HYOU1: variants seen among roughly 807,000 people sequenced by gnomAD.
HYOU1 encodes the protein hypoxia up-regulated 1.
HYOU1 carries 40 observed loss-of-function variants against 120.5 expected under a neutral mutation model. The observed-to-expected ratio is 0.33, with a 90% confidence interval of 0.26 to 0.43. The LOEUF is 0.43. Among genes scored for constraint, HYOU1 ranks in the 20% least tolerant of loss-of-function variants. The pLI is 1.00. For synonymous variants in HYOU1, 501 were observed against 479.4 expected (o/e 1.05, Z -0.59); for missense variants, 1,085 against 1,278.3 (o/e 0.85, Z 2.31).
rs1944412951 is a variant in HYOU1 at position 119,051,128 on chromosome 11, C to T, written c.1572G>A (p.Val524=). 6.2e-7 allele frequency: 1 copy of T among 1,614,050 alleles called. No homozygotes were observed. Among genetic ancestry groups the T allele is most frequent in the South Asian group, 1.1e-5 (1 of 91,088 alleles). The change falls in exon 14 of 26, where the codon GTG becomes GTA. Residue 524 remains valine (V), a synonymous_variant. Transcript: ENST00000617285. The surrounding 1 kb of genome is among the most constrained non-coding windows in gnomAD (Gnocchi z 4.2). ...CAGGATACTTCTTGAAGCTGTCACC[C>T]ACCCCTTTTAGCTTCACTGTGGTCA... ...QNLTTVKLKG[V]GDSFKKYPDY...
At chr11:119,056,364 G>T (rs1944763366) in intron 1 of HYOU1, 197 bp from the exon 2 acceptor site, 2 of 665,908 alleles carry the variant, frequency 3.0e-6, no homozygotes, top group Non-Finnish European at 5.5e-6. Context: ...CCCACACAAA[G>T]GCCCAAGTGA....
chr11:119,055,453 C>T lies in HYOU1; in HGVS notation c.264+40G>A, dbSNP rs2133613370. On this transcript the variant is annotated intron_variant, in intron 4 of 25. Coordinates refer to ENST00000617285, the MANE Select transcript of HYOU1 (RefSeq NM_006389.5). This position sits in a 1 kb window ranked among gnomAD's most constrained non-coding sequence, Gnocchi z 4.0. ...GACTCTGGGGGCTGCCATCTCCTCTCCTCTGCCCACCACTCTGGGAAGAGG... is the reference window on the plus strand; with the variant it reads ...GACTCTGGGGGCTGCCATCTCCTCTTCTCTGCCCACCACTCTGGGAAGAGG... The T allele has an allele frequency of 2.5e-6, 4 of 1,608,042 alleles. No individual in the cohort carries two copies. Among genetic ancestry groups the T allele is most frequent in the Non-Finnish European group, 3.4e-6 (4 of 1,174,602 alleles).
In HYOU1 at chr11:119,046,794, C is replaced by T; in HGVS notation, c.2604G>A (p.Lys868=). ...EKVINETWAW[K]NATLAEQAKL... Reference sequence around the variant, plus strand: ...TAGCCTGCTCGGCCAGAGTTGCATTCTTCCAGGCCTGTGGGTGAGACCAGG... The same window carrying T: ...TAGCCTGCTCGGCCAGAGTTGCATTTTTCCAGGCCTGTGGGTGAGACCAGG... The change falls in exon 23 of 26, where the codon AAG becomes AAA. Residue 868 remains lysine, a synonymous_variant. Transcript: ENST00000617285. 6.3e-7 allele frequency: 1 copy of T among 1,599,762 alleles called. No homozygotes were observed. The highest frequency in any genetic ancestry group is 2.2e-5 in the East Asian group (1 of 44,880).
intron 16 of HYOU1, 153 bp from the exon 17 acceptor site, chr11:119,049,356 A>G: frequency 6.4e-7 from 1 of 1,553,312 alleles, no homozygotes; most frequent in Non-Finnish European, 8.7e-7. Flanking sequence ...ATCTAGCTGG[A>G]CAAAGGAAGA....
intron 8 of HYOU1, 187 bp downstream of exon 8, chr11:119,053,934 A>G: frequency 1.9e-6 from 1 of 516,618 alleles, no homozygotes; most frequent in Non-Finnish European, 3.4e-6. Context: ...CAGTTTTCCC[A>G]AACTGTCCTC....
rs2133585848 is a variant in HYOU1, at chr11:119,051,559, G to A, written c.1405C>T (p.Leu469Phe). 6.2e-7 allele frequency: 1 copy of A among 1,614,098 alleles called. No homozygotes were observed. Among genetic ancestry groups the A allele is most frequent in the East Asian group, 2.2e-5 (1 of 44,872 alleles). The change falls in exon 13 of 26, where the codon CTC (leucine) becomes TTC (phenylalanine). Residue 469 changes from leucine (L) to phenylalanine (F), a missense_variant. By Grantham distance (22) the Leu-to-Phe change is conservative. Around this residue, in one of 4 missense-constraint regions of HYOU1, gnomAD observed 515 missense variants for 677.8 expected, o/e 0.76. Coordinates refer to ENST00000617285, the MANE Select transcript of HYOU1 (RefSeq NM_006389.5). The surrounding 1 kb of genome is among the most constrained non-coding windows in gnomAD (Gnocchi z 4.2). The stretch of plus-strand genomic sequence containing the variant: ...GGGTAGGGCCCCATCCGAGAGAAGA[G>A]TACCCGTTTATTGTGCTTCAGGCTG... ...IHSLKHNKRV[L>F]FSRMGPYPQR...
rs2133586181 is a variant in HYOU1, at chr11:119,051,596, C to T, written c.1368G>A (p.Glu456=). The T allele has an allele frequency of 3.0e-5, 48 of 1,614,004 alleles. No individual in the cohort carries two copies. The highest frequency in any genetic ancestry group is 3.8e-5 in the Non-Finnish European group (45 of 1,180,016). Residue 456 remains glutamate (E), a synonymous_variant, in exon 13 of 26, where the codon GAG becomes GAA. Coordinates refer to ENST00000617285, the MANE Select transcript of HYOU1 (RefSeq NM_006389.5). The surrounding 1 kb of genome is among the most constrained non-coding windows in gnomAD (Gnocchi z 4.2). ...TGTGCTTCAGGCTGTGAATCCCAGG[C>T]TCCTCCTCCACCTCCCTCGTGAACT... ...LVEFTREVEE[E]PGIHSLKHNK...
chr11:119,051,833 C>T lies in HYOU1; in HGVS notation c.1324G>A (p.Val442Ile). 2 of 1,613,944 alleles carry T rather than the reference C, an allele frequency of 1.2e-6. No homozygotes were observed. Among genetic ancestry groups the T allele is most frequent in the Non-Finnish European group, 1.7e-6 (2 of 1,179,906 alleles). The change falls in exon 12 of 26, where the codon GTC becomes ATC. Residue 442 changes from valine to isoleucine, a missense_variant. By Grantham distance (29) the Val-to-Ile change is conservative. Transcript: ENST00000617285. This position sits in a 1 kb window ranked among gnomAD's most constrained non-coding sequence, Gnocchi z 4.2. ...GGCTCACTCACCAGGATGGGGTAGACCACTGCATCTCGGACGACAAATGGC... is the reference window on the plus strand; with the variant it reads ...GGCTCACTCACCAGGATGGGGTAGATCACTGCATCTCGGACGACAAATGGC... The part of the protein sequence containing the change: ...VKPFVVRDAV[V>I]YPILVEFTRE...
chr11:119,045,553 G>A lies in HYOU1; in HGVS notation c.*40C>T. The stretch of plus-strand genomic sequence containing the variant: ...ATGTTAAATAAATAGAAGTGGTGGG[G>A]GAAGGGGGTGGAGATGAATGGGGAA... On this transcript the variant is annotated 3_prime_UTR_variant, in exon 26 of 26. Coordinates refer to ENST00000617285, the MANE Select transcript of HYOU1 (RefSeq NM_006389.5). The A allele has an allele frequency of 6.6e-7, 1 of 1,523,666 alleles. No homozygotes were observed. The allele number at this position is 1,523,666 out of a possible 1,614,324, so 94.4% of individuals were successfully genotyped here. A position where few individuals can be genotyped will look rare whatever the true frequency, so the allele number is the denominator to read the frequency against.
Position 119,052,603 on chromosome 11 carries a change from C to A in HYOU1, c.987+34G>T, listed in dbSNP as rs2133594079. On this transcript the variant is annotated intron_variant, in intron 9 of 25. Coordinates refer to ENST00000617285, the MANE Select transcript of HYOU1 (RefSeq NM_006389.5). This position sits in a 1 kb window ranked among gnomAD's most constrained non-coding sequence, Gnocchi z 5.0. Reference sequence around the variant, plus strand: ...AGGGTCCCCCACCCTCTACGTGGGACAAAATATAGCCTCAACCAGCCACTT... The same window carrying A: ...AGGGTCCCCCACCCTCTACGTGGGAAAAAATATAGCCTCAACCAGCCACTT... 6.3e-7 allele frequency: 1 copy of A among 1,592,790 alleles called. No individual in the cohort carries two copies. Among genetic ancestry groups the A allele is most frequent in the Non-Finnish European group, 8.6e-7 (1 of 1,167,808 alleles).
chr11:119,051,583 T>C lies in HYOU1; in HGVS notation c.1381A>G (p.Ser461Gly), dbSNP rs2133586150. Residue 461 changes from serine to glycine, a missense_variant, in exon 13 of 26, where the codon AGC becomes GGC. Around this residue, in one of 4 missense-constraint regions of HYOU1, gnomAD observed 515 missense variants for 677.8 expected, o/e 0.76. Coordinates refer to ENST00000617285, the MANE Select transcript of HYOU1 (RefSeq NM_006389.5). This position sits in a 1 kb window ranked among gnomAD's most constrained non-coding sequence, Gnocchi z 4.2. Reference protein sequence around the residue: ...REVEEEPGIHSLKHNKRVLFS... With the variant: ...REVEEEPGIHGLKHNKRVLFS... ...AGTACCCGTTTATTGTGCTTCAGGC[T>C]GTGAATCCCAGGCTCCTCCTCCACC... The C allele has an allele frequency of 6.2e-7, 1 of 1,614,082 alleles. No individual in the cohort carries two copies.
chr11:119,054,740 T>A (rs1944651262), intron 6 of HYOU1, 65 bp from the exon 7 acceptor site: 8 of 1,496,582 alleles, frequency 5.3e-6, no homozygotes, highest in African/African-American at 1.4e-5. Context: ...TCTAATCTGG[T>A]CACTAATGAC....
At position 119,051,710 on chromosome 11, in the gene HYOU1, G is replaced by A. The variant is rs2133587463; in HGVS notation, c.1339-85C>T. On this transcript the variant is annotated intron_variant, in intron 12 of 25. Coordinates refer to ENST00000617285, the MANE Select transcript of HYOU1 (RefSeq NM_006389.5). The surrounding 1 kb of genome is among the most constrained non-coding windows in gnomAD (Gnocchi z 4.2). ...GGGTAAGGATGGGGGTGGGATGGGG[G>A]AGACCTCTTAGCAGAAAGACAAAGG... 2.3e-5 allele frequency: 36 copies of A among 1,593,912 alleles called. No homozygotes were observed. The highest frequency in any genetic ancestry group is 2.9e-5 in the Non-Finnish European group (34 of 1,164,912).
At position 119,051,287 on chromosome 11, in the gene HYOU1, A is replaced by C; in HGVS notation, c.1527-114T>G. The C allele has an allele frequency of 6.6e-7, 1 of 1,517,474 alleles. No individual in the cohort carries two copies. The highest frequency in any genetic ancestry group is 9.0e-7 in the Non-Finnish European group (1 of 1,109,000). The allele number at this position is 1,517,474 out of a possible 1,614,324, so 94.0% of individuals were successfully genotyped here. A position where few individuals can be genotyped will look rare whatever the true frequency, so the allele number is the denominator to read the frequency against. ...GGGGCACTCCCCAAGGGCACACTCA[A>C]GAGGACGGATGCATTCTCCAGCGAA... On this transcript the variant is annotated intron_variant, in intron 13 of 25. Transcript: ENST00000617285. This position sits in a 1 kb window ranked among gnomAD's most constrained non-coding sequence, Gnocchi z 4.2.
chr11:119,054,816 C>G (rs2133608239), intron 6 of HYOU1, 141 bp from the exon 7 acceptor site: 1 of 1,083,534 alleles, frequency 9.2e-7, no homozygotes, highest in Non-Finnish European at 1.3e-6. Context: ...GAGCAGCATC[C>G]CCGGCCTCTA....
chr11:119,047,963 A>G lies in HYOU1; in HGVS notation c.2494T>C (p.Ser832Pro). The G allele has an allele frequency of 2.5e-6, 4 of 1,614,184 alleles. No individual in the cohort carries two copies. Among genetic ancestry groups the G allele is most frequent in the Non-Finnish European group, 3.4e-6 (4 of 1,180,024 alleles). The change falls in exon 21 of 26, where the codon TCC (serine) becomes CCC (proline). Residue 832 changes from serine (S) to proline (P), a missense_variant. Physicochemically the swap from Ser to Pro is moderately conservative, Grantham distance 74. Around this residue, in one of 4 missense-constraint regions of HYOU1, gnomAD observed 516 missense variants for 517.1 expected, o/e 1.00. Coordinates refer to ENST00000617285, the MANE Select transcript of HYOU1 (RefSeq NM_006389.5). ...GCTGCTCACTTGAGGAACATGCTGG[A>G]ATGGTTGAGGAGATTATCGAGGGCA... ...LSALDNLLNH[S>P]SMFLKGARLI...
At chr11:119,056,781 A>G (rs1476316872) in intron 1 of HYOU1, 1 of 215,646 alleles carries the variant, frequency 4.6e-6, no homozygotes, top group African/African-American at 2.3e-5. Context: ...GGTAGCCGTT[A>G]CCCGGTGTTC....
In HYOU1 at chr11:119,045,457, A is replaced by G; in HGVS notation, c.*136T>C. On this transcript the variant is annotated 3_prime_UTR_variant, in exon 26 of 26. Coordinates refer to ENST00000617285, the MANE Select transcript of HYOU1 (RefSeq NM_006389.5). ...AGCTGTCCCTCCCTTCCCCTTCTCC[A>G]CACCTCCAAATCACAGGGGTGAGAA... 1.2e-6 allele frequency: 1 copy of G among 819,440 alleles called. No individual in the cohort carries two copies. Among genetic ancestry groups the G allele is most frequent in the South Asian group, 1.3e-5 (1 of 74,228 alleles). The allele number at this position is 819,440 out of a possible 1,614,324, so 50.8% of individuals were successfully genotyped here.
rs2133567681 is a variant in HYOU1 at position 119,048,835 on chromosome 11, C to T, written c.2044G>A (p.Glu682Lys). The T allele has an allele frequency of 6.2e-7, 1 of 1,614,042 alleles. No individual in the cohort carries two copies. The highest frequency in any genetic ancestry group is 2.2e-5 in the East Asian group (1 of 44,874). The change falls in exon 18 of 26, where the codon GAG (glutamate) becomes AAG (lysine). Residue 682 changes from glutamate to lysine, a missense_variant. By Grantham distance (56) the Glu-to-Lys change is moderately conservative. Transcript: ENST00000617285. The surrounding 1 kb of genome is among the most constrained non-coding windows in gnomAD (Gnocchi z 4.7). ...AGPEGVAPAP[E>K]GEKKQKPARK... Reference sequence around the variant, plus strand: ...GCGGGCTTCTGCTTCTTCTCTCCCTCTGGGGCTGGAGCGACGCCCTCAGGC... The same window carrying T: ...GCGGGCTTCTGCTTCTTCTCTCCCTTTGGGGCTGGAGCGACGCCCTCAGGC...
Sources: allele counts gnomAD v4.1 joint callset, GRCh38; gene constraint gnomAD v4.1.1; regional missense constraint gnomAD v4.1.1; non-coding constraint Gnocchi (gnomAD v3.1); transcripts MANE v1.5; gene names NCBI Gene and HGNC (gene_info 2026-07-23, HGNC 2026-07-21).